Variants in CSNK1G1 observed in about 807,000 individuals in gnomAD.
The protein encoded by CSNK1G1 is casein kinase I isoform gamma-1.
A neutral mutation model predicts 59.6 loss-of-function variants in CSNK1G1; 22 were observed. The observed-to-expected ratio is 0.37, with a 90% CI of 0.26 to 0.53. The LOEUF (loss-of-function observed/expected upper bound fraction) is 0.53, where lower values mean the gene tolerates loss of function less well. Ranked by LOEUF, CSNK1G1 falls within the 20% of genes least tolerant of loss-of-function variation. The probability of loss-of-function intolerance (pLI) is 0.89; values close to 1 mark genes in which losing one functional copy is unlikely to be tolerated. For synonymous variants in CSNK1G1, 179 were observed against 177.1 expected (o/e 1.01, Z -0.08); for missense variants, 384 against 519.5 (o/e 0.74, Z 2.54).
chr15:64,314,865 T>C (rs969526121), intron 1 of CSNK1G1, among the ~76,000 whole-genome samples: 4 of 152,230 alleles, frequency 2.6e-5, no homozygotes, highest in African/African-American at 9.6e-5. Context: ...TACATTTTCT[T>C]TATTCATTCA....
At chr15:64,218,914 GCGCCAT>G (rs1266630924) in intron 4 of CSNK1G1, among the ~76,000 whole-genome samples, 4 of 147,644 alleles carry the variant, frequency 2.7e-5, no homozygotes. Context: ...GAGTGCACTG[GCGCCAT>G]CTCGACTCAC....
At position 64,281,789 on chromosome 15, in the gene CSNK1G1, G is replaced by A. The variant is rs1364942296; in HGVS notation, c.181+18530C>T. Among the ~76,000 whole-genome samples, 10 of 150,896 alleles carry A rather than the reference G, an allele frequency of 6.6e-5. No homozygotes were observed. The East Asian group carries it at 1.2e-3, about 18-fold the overall frequency. The stretch of plus-strand genomic sequence containing the variant: ...TGAAAGGCAGAAGTTGCAGTGAGCC[G>A]AGACTGTGCCGAGAAAAAAAAAAAA... On this transcript the variant is annotated intron_variant, in intron 2 of 11. Transcript: ENST00000303052.
At position 64,203,139 on chromosome 15, in the gene CSNK1G1, A is replaced by T. The variant is rs1213987405; in HGVS notation, c.1050T>A (p.Thr350=). The part of the protein sequence containing the change: ...VHVDSGASAI[T]RESHTHRDRP... ...GATCCCTATGTGTGTGGCTTTCTCG[A>T]GTTATTGCAGATGCACCAGAATCTA... Residue 350 remains threonine, a synonymous_variant, in exon 10 of 12, where the codon ACT becomes ACA. Transcript: ENST00000303052. 5.6e-6 allele frequency: 9 copies of T among 1,614,108 alleles called. 1 individual carries two copies. The South Asian group carries it at 9.9e-5, about 18-fold the overall frequency.
chr15:64,182,704 A>AAC (rs138815917), intron 10 of CSNK1G1, among the ~76,000 whole-genome samples: 4 of 152,120 alleles, frequency 2.6e-5, no homozygotes, highest in Non-Finnish European at 5.9e-5. Context: ...TTAGCAAGCA[A>AAC]ACACACACAC....
chr15:64,195,422 G>A (rs1009224072), intron 10 of CSNK1G1, among the ~76,000 whole-genome samples: 10 of 152,152 alleles, frequency 6.6e-5, no homozygotes, highest in Admixed American at 4.6e-4. Context: ...GAACCATTGC[G>A]GTGTAATGTT....
chr15:64,245,362 GATTA>G (rs1596152043), intron 4 of CSNK1G1, among the ~76,000 whole-genome samples: 2 of 152,000 alleles, frequency 1.3e-5, no homozygotes, highest in East Asian at 1.9e-4. Flanking sequence ...TCTAATAAGG[GATTA>G]ATTAATAGCC....
intron 1 of CSNK1G1, among the ~76,000 whole-genome samples, chr15:64,346,185 C>CAATAT (rs1382128792): frequency 6.6e-6 from 1 of 151,066 alleles, no homozygotes; most frequent in Non-Finnish European, 1.5e-5. Context: ...AATTCAAGAC[C>CAATAT]AGACTGGGCA....
chr15:64,236,604 GC>G lies in CSNK1G1; in HGVS notation c.292+14907del, dbSNP rs529537434. Among the ~76,000 whole-genome samples, 87 of 152,278 alleles carry G rather than the reference GC, an allele frequency of 5.7e-4. 2 individuals are homozygous for G. In the South Asian group the frequency reaches 0.018, roughly 31 times the overall value. On this transcript the variant is annotated intron_variant, in intron 4 of 11. Coordinates refer to ENST00000303052, the MANE Select transcript of CSNK1G1 (RefSeq NM_022048.5). The stretch of plus-strand genomic sequence containing the variant: ...AACCACAATGGCATATCATCTTACT[GC>G]AGTCAGAACGGCTACTATTAAATTA...
In CSNK1G1 at chr15:64,216,557, C is replaced by T; in HGVS notation, c.444+5G>A. ...TTCTCTTCTAGAAGAGCAATTCCAA[C>T]TTACCAGCTGGATGGCTATCATTAA... On this transcript the variant is annotated splice_donor_5th_base_variant and intron_variant, in intron 5 of 11. Transcript: ENST00000303052. This position sits in a 1 kb window ranked among gnomAD's most constrained non-coding sequence, Gnocchi z 4.6. The T allele has an allele frequency of 6.2e-7, 1 of 1,613,736 alleles. No individual in the cohort carries two copies. Among genetic ancestry groups the T allele is most frequent in the Non-Finnish European group, 8.5e-7 (1 of 1,179,764 alleles).
intron 9 of CSNK1G1, among the ~76,000 whole-genome samples, chr15:64,203,414 A>C (rs997522697): frequency 5.9e-5 from 9 of 152,036 alleles, no homozygotes; most frequent in African/African-American, 1.7e-4. Flanking sequence ...ACAAAAAACC[A>C]GGGCCGGGCG....
intron 7 of CSNK1G1, among the ~76,000 whole-genome samples, chr15:64,206,144 A>G (rs542300353): frequency 5.3e-5 from 8 of 152,260 alleles, no homozygotes; most frequent in African/African-American, 1.9e-4. Context: ...CGTCTCTACT[A>G]AAAATACAAA....
chr15:64,213,806 T>C (rs1367326523), intron 6 of CSNK1G1, 84 bp downstream of exon 6: 10 of 917,588 alleles, frequency 1.1e-5, no homozygotes, highest in Middle Eastern at 2.3e-4. Flanking sequence ...CCACAAGTTG[T>C]AATGCACAAT....
intron 3 of CSNK1G1, among the ~76,000 whole-genome samples, chr15:64,253,352 C>A (rs1892192998): frequency 6.6e-6 from 1 of 151,832 alleles, no homozygotes; most frequent in African/African-American, 2.4e-5. Flanking sequence ...CTCAATCAAT[C>A]AATAAATAAA....
chr15:64,291,325 G>A (rs1894729125), intron 2 of CSNK1G1, among the ~76,000 whole-genome samples: 1 of 152,230 alleles, frequency 6.6e-6, no homozygotes, highest in East Asian at 1.9e-4. Flanking sequence ...AGTGGCTCAC[G>A]CCTGTAATCC....
chr15:64,305,059 CT>C (rs1197617408), intron 1 of CSNK1G1, among the ~76,000 whole-genome samples: 3 of 152,162 alleles, frequency 2.0e-5, no homozygotes, highest in African/African-American at 4.8e-5. Context: ...CCTTATAAGT[CT>C]TTTTTTTTTA....
intron 4 of CSNK1G1, among the ~76,000 whole-genome samples, chr15:64,241,098 T>C (rs1030438945): frequency 1.1e-4 from 17 of 152,092 alleles, no homozygotes; most frequent in African/African-American, 4.1e-4. Context: ...TAAAAAACGA[T>C]GACCCAACTA....
chr15:64,256,260 A>G (rs566187541), intron 3 of CSNK1G1, among the ~76,000 whole-genome samples: 15 of 152,242 alleles, frequency 9.9e-5, no homozygotes, highest in Non-Finnish European at 2.1e-4. Context: ...GACAAACCAC[A>G]GAGGCAATGA....
At chr15:64,292,139 G>T (rs1037279425) in intron 2 of CSNK1G1, among the ~76,000 whole-genome samples, 3 of 151,912 alleles carry the variant, frequency 2.0e-5, no homozygotes, top group Non-Finnish European at 4.4e-5. Context: ...GAACCTGGGA[G>T]GCGGAGCTTG....
At chr15:64,241,760 TAG>T (rs1566915802) in intron 4 of CSNK1G1, among the ~76,000 whole-genome samples, 1 of 149,378 alleles carries the variant, frequency 6.7e-6, no homozygotes, top group Admixed American at 6.6e-5. Flanking sequence ...ATCAAAAAAG[TAG>T]AGATTTCAAA....
Sources: gnomAD v4.1 joint callset for allele counts (sites outside exome capture counted in the v4.1 genomes callset) on GRCh38, gnomAD v4.1.1 for gene constraint, Gnocchi (gnomAD v3.1) non-coding constraint, MANE v1.5 for transcripts, NCBI Gene and HGNC (gene_info 2026-07-23, HGNC 2026-07-21) for gene names.